Variants in AUTS2 observed in about 807,000 individuals in gnomAD.
The protein encoded by AUTS2 is activator of transcription and developmental regulator AUTS2.
AUTS2 carries 17 observed loss-of-function variants against 112.4 expected under a neutral mutation model. The observed-to-expected ratio is 0.15, with a 90% CI of 0.10 to 0.23. AUTS2 has a LOEUF of 0.23. Ranked by LOEUF, AUTS2 falls within the 10% of genes least tolerant of loss-of-function variation. The probability of loss-of-function intolerance (pLI) is 1.00; values close to 1 mark genes in which losing one functional copy is unlikely to be tolerated. For synonymous variants in AUTS2, 751 were observed against 702.7 expected, an observed-to-expected ratio of 1.07 and a Z score of -1.09; for missense variants, 1,510 against 1,701.6, an observed-to-expected ratio of 0.89 and a Z score of 1.98.
At chr7:69,891,646 ATTCT>A (rs988965690) in intron 1 of AUTS2, among the ~76,000 whole-genome samples, 2 of 151,902 alleles carry the variant, frequency 1.3e-5, no homozygotes, top group Admixed American at 1.3e-4. Flanking sequence ...CGGTAGGGTC[ATTCT>A]TTCTTATTTC....
At chr7:70,159,027 A>AT (rs1274277891) in intron 4 of AUTS2, among the ~76,000 whole-genome samples, 1 of 152,032 alleles carries the variant, frequency 6.6e-6, no homozygotes, top group East Asian at 1.9e-4. Context: ...TTTTTTATTT[A>AT]TTGCCCTGCT....
chr7:70,499,600 C>T (rs1019963355), intron 5 of AUTS2, among the ~76,000 whole-genome samples: 3 of 152,228 alleles, frequency 2.0e-5, no homozygotes, highest in African/African-American at 4.8e-5. Flanking sequence ...GGTTTCCCAC[C>T]TCAGCCAGAG....
At chr7:70,570,326 G>T (rs780322804) in intron 5 of AUTS2, among the ~76,000 whole-genome samples, 1 of 152,162 alleles carries the variant, frequency 6.6e-6, no homozygotes, top group African/African-American at 2.4e-5. Flanking sequence ...CCAGCATCTT[G>T]TCTGTAGGTA....
At chr7:70,368,944 C>T (rs1792713096) in intron 4 of AUTS2, among the ~76,000 whole-genome samples, 2 of 152,046 alleles carry the variant, frequency 1.3e-5, no homozygotes, top group South Asian at 4.2e-4. Context: ...AACATAGCAG[C>T]AAAGGAAAAG....
intron 2 of AUTS2, among the ~76,000 whole-genome samples, chr7:69,978,000 C>G (rs1798130074): frequency 6.6e-6 from 1 of 152,072 alleles, no homozygotes; most frequent in Admixed American, 6.6e-5. Flanking sequence ...AAAAGTATGT[C>G]TACTCCATTT....
intron 5 of AUTS2, among the ~76,000 whole-genome samples, chr7:70,479,320 A>G (rs1385089147): frequency 6.6e-6 from 1 of 152,112 alleles, no homozygotes; most frequent in Non-Finnish European, 1.5e-5. Context: ...ACTTGGAGCC[A>G]TTTGTTTTAT....
intron 4 of AUTS2, among the ~76,000 whole-genome samples, chr7:70,164,179 A>G (rs911232742): frequency 9.8e-5 from 15 of 152,344 alleles, no homozygotes; most frequent in Admixed American, 8.5e-4. Flanking sequence ...GAATTCTCGT[A>G]TAAAATCAAT....
chr7:69,827,669 TTAAGA>T (rs1404584145), intron 1 of AUTS2, among the ~76,000 whole-genome samples: 6 of 152,204 alleles, frequency 3.9e-5, no homozygotes, highest in African/African-American at 1.4e-4. Flanking sequence ...TCAATTGTGG[TTAAGA>T]TAAACAAAGC....
At chr7:70,086,640 C>CAA (rs71068015) in intron 2 of AUTS2, among the ~76,000 whole-genome samples, 1,082 of 83,000 alleles carry the variant, frequency 0.013, 20 homozygotes, top group African/African-American at 0.03. Flanking sequence ...GACTCCATCT[C>CAA]AAAAAAAAAA....
At chr7:69,728,663 A>G (rs1424865581) in intron 1 of AUTS2, among the ~76,000 whole-genome samples, 1 of 142,542 alleles carries the variant, frequency 7.0e-6, no homozygotes, top group Non-Finnish European at 1.5e-5. Flanking sequence ...GCAGGCTGGT[A>G]GGTTGCTTGC....
chr7:70,276,373 G>T (rs1056270328), intron 4 of AUTS2, among the ~76,000 whole-genome samples: 1 of 149,322 alleles, frequency 6.7e-6, no homozygotes, highest in Non-Finnish European at 1.5e-5. Context: ...AGTAAATTTT[G>T]TGACTTTTTT....
chr7:70,467,033 GA>G (rs1797193812), intron 5 of AUTS2, among the ~76,000 whole-genome samples: 1 of 152,194 alleles, frequency 6.6e-6, no homozygotes, highest in African/African-American at 2.4e-5. Context: ...TGATGGAAGA[GA>G]ATGTAAAACA....
intron 4 of AUTS2, among the ~76,000 whole-genome samples, chr7:70,308,205 G>T (rs1789573686): frequency 6.6e-6 from 1 of 152,198 alleles, no homozygotes; most frequent in Admixed American, 6.5e-5. Context: ...TTCTCCATTT[G>T]AAGGAAGAGG....
intron 1 of AUTS2, among the ~76,000 whole-genome samples, chr7:69,751,934 T>C (rs1787754641): frequency 6.6e-6 from 1 of 152,222 alleles, no homozygotes; most frequent in Non-Finnish European, 1.5e-5. Context: ...TTAATCCACA[T>C]GAAGTTCTTA....
At chr7:69,875,928 AT>A (rs1372292862) in intron 1 of AUTS2, among the ~76,000 whole-genome samples, 5 of 152,112 alleles carry the variant, frequency 3.3e-5, no homozygotes, top group African/African-American at 9.7e-5. Flanking sequence ...GGTTGTTCCT[AT>A]TGCTTAGCAA....
At chr7:69,743,710 T>C (rs1050296900) in intron 1 of AUTS2, among the ~76,000 whole-genome samples, 9 of 152,316 alleles carry the variant, frequency 5.9e-5, no homozygotes, top group African/African-American at 2.2e-4. Flanking sequence ...ATTTAGAGTT[T>C]TATATAAATG....
chr7:69,858,205 G>C (rs1028501222), intron 1 of AUTS2, among the ~76,000 whole-genome samples: 6 of 152,190 alleles, frequency 3.9e-5, no homozygotes, highest in African/African-American at 1.2e-4. Flanking sequence ...TCGTGTGGTA[G>C]GTCCAAAATA....
chr7:70,504,730 ATCT>A lies in AUTS2; in HGVS notation c.690+68953_690+68955del, dbSNP rs747625141. Among the ~76,000 whole-genome samples, 21 of 152,168 alleles carry A rather than the reference ATCT, an allele frequency of 1.4e-4. 1 individual carries two copies. The highest frequency in any genetic ancestry group is 9.6e-4 in the East Asian group (5 of 5,190). ...GGGGCTTGGTATCCACGTTTCTGTA[ATCT>A]TCTAAGACAAGCCAGAATCTTTTTC... On this transcript the variant is annotated intron_variant, in intron 5 of 18. Transcript: ENST00000342771.
chr7:69,908,803 A>G (rs553051227), intron 2 of AUTS2, among the ~76,000 whole-genome samples: 4 of 152,218 alleles, frequency 2.6e-5, no homozygotes, highest in Admixed American at 6.5e-5. Flanking sequence ...GAGATTGGCT[A>G]TAATTAGATG....
Sources: allele counts gnomAD v4.1 joint callset (sites outside exome capture counted in the v4.1 genomes callset), GRCh38; gene constraint gnomAD v4.1.1; transcripts MANE v1.5; gene names NCBI Gene and HGNC (gene_info 2026-07-23, HGNC 2026-07-21).